The following FNDC10 variants were observed in gnomAD, a reference collection of about 807,000 sequenced individuals.
The protein encoded by FNDC10 is fibronectin type III domain-containing protein 10.
A neutral mutation model predicts 11.6 loss-of-function variants in FNDC10; 8 were observed. That is an observed-to-expected ratio of 0.69 (90% CI 0.41 to 1.25). The LOEUF (loss-of-function observed/expected upper bound fraction) is 1.25. Among genes scored for constraint, FNDC10 ranks in the 50% most tolerant of loss-of-function variants. The probability of loss-of-function intolerance (pLI) is 0.01; values close to 1 mark genes in which losing one functional copy is unlikely to be tolerated. For missense variants in FNDC10, 308 were observed against 330.2 expected (o/e 0.93, Z 0.52); for synonymous variants, 187 against 162.9 (o/e 1.15, Z -1.12).
chr1:1,599,325 G>A lies in FNDC10; in HGVS notation c.*10C>T. On this transcript the variant is annotated 3_prime_UTR_variant, in exon 1 of 1. Coordinates refer to ENST00000422725, the MANE Select transcript of FNDC10 (RefSeq NM_001242659.2). This position sits in a 1 kb window ranked among gnomAD's most constrained non-coding sequence, Gnocchi z 6.7. Reference sequence around the variant, plus strand: ...CAGGTGGCGCAAAGATGGGCGGGCGGCCTCGCGCTTCAGGGGTGTCTGCGC... The same window carrying A: ...CAGGTGGCGCAAAGATGGGCGGGCGACCTCGCGCTTCAGGGGTGTCTGCGC... The A allele has an allele frequency of 1.4e-6, 2 of 1,474,240 alleles. No individual in the cohort carries two copies. Among genetic ancestry groups the A allele is most frequent in the South Asian group, 2.6e-5 (2 of 77,588 alleles). The allele number at this position is 1,474,240 out of a possible 1,614,324, so 91.3% of individuals were successfully genotyped here.
rs1643084362 is a variant in FNDC10, at chr1:1,599,379, T to C, written c.637A>G (p.Met213Val). 4.6e-6 allele frequency: 7 copies of C among 1,528,928 alleles called. No homozygotes were observed. The highest frequency in any genetic ancestry group is 6.1e-6 in the Non-Finnish European group (7 of 1,144,872). 94.7% of individuals were successfully genotyped at this position (1,528,928 alleles called of 1,614,324 possible). A position where few individuals can be genotyped will look rare whatever the true frequency, so the allele number is the denominator to read the frequency against. ...LLVAYITENL[M>V]RPALARPGLR... ...CCGGGGCGCGCGAGGGCCGGGCGCA[T>C]GAGGTTCTCGGTGATGTAGGCCACC... is the stretch of plus-strand genomic sequence containing the variant. The change falls in exon 1 of 1, where the codon ATG becomes GTG. Residue 213 changes from methionine (M) to valine (V), a missense_variant. Met to Val is a conservative substitution (Grantham distance 21, BLOSUM62 1). Coordinates refer to ENST00000422725, the MANE Select transcript of FNDC10 (RefSeq NM_001242659.2). This position sits in a 1 kb window ranked among gnomAD's most constrained non-coding sequence, Gnocchi z 6.7.
At position 1,599,733 on chromosome 1, in the gene FNDC10, G is replaced by A; in HGVS notation, c.283C>T (p.Leu95=). ...ACGCGGCGCGCGGCGGCCGGGGCCA[G>A]GCGCCACTGCAGGAGGACGCTGCGG... ...RNRSVLLQWR[L]APAAARRVRA... is the part of the protein sequence containing the mutation. The change falls in exon 1 of 1, where the codon CTG becomes TTG. Residue 95 remains leucine, a synonymous_variant. Coordinates refer to ENST00000422725, the MANE Select transcript of FNDC10 (RefSeq NM_001242659.2). This position sits in a 1 kb window ranked among gnomAD's most constrained non-coding sequence, Gnocchi z 6.7. 4 of 1,323,352 alleles carry A rather than the reference G, an allele frequency of 3.0e-6. No homozygotes were observed. The highest frequency in any genetic ancestry group is 3.8e-6 in the Non-Finnish European group (4 of 1,044,302). The allele number at this position is 1,323,352 out of a possible 1,614,324, so 82.0% of individuals were successfully genotyped here.
Position 1,599,138 on chromosome 1 carries a change from G to T in FNDC10, c.*197C>A. Reference sequence around the variant, plus strand: ...GCGCAAGCCCAGGGGCCAATCCGGGGCCAGAGTCTGGGAGTCTGACGCCCG... The same window carrying T: ...GCGCAAGCCCAGGGGCCAATCCGGGTCCAGAGTCTGGGAGTCTGACGCCCG... On this transcript the variant is annotated 3_prime_UTR_variant, in exon 1 of 1. Coordinates refer to ENST00000422725, the MANE Select transcript of FNDC10 (RefSeq NM_001242659.2). This position sits in a 1 kb window ranked among gnomAD's most constrained non-coding sequence, Gnocchi z 6.7. 1.7e-6 allele frequency: 1 copy of T among 580,090 alleles called. No homozygotes were observed. Among genetic ancestry groups the T allele is most frequent in the Non-Finnish European group, 3.0e-6 (1 of 338,942 alleles). 35.9% of individuals were successfully genotyped at this position (580,090 alleles called of 1,614,324 possible).
Position 1,599,552 on chromosome 1 carries a change from G to T in FNDC10, c.464C>A (p.Ala155Asp), listed in dbSNP as rs1643086806. The T allele has an allele frequency of 6.6e-7, 1 of 1,506,848 alleles. No homozygotes were observed. Among genetic ancestry groups the T allele is most frequent in the Non-Finnish European group, 8.8e-7 (1 of 1,136,958 alleles). 93.3% of individuals were successfully genotyped at this position (1,506,848 alleles called of 1,614,324 possible). Reference protein sequence around the residue: ...RLCLQPLPLRAGPAAAAPETP... With the variant: ...RLCLQPLPLRDGPAAAAPETP... ...CTCTGGCGCGGCGGCGGCGGGCCCA[G>T]CGCGCAGCGGCAGCGGCTGCAGGCA... The change falls in exon 1 of 1, where the codon GCT becomes GAT. Residue 155 changes from alanine (A) to aspartate (D), a missense_variant. Physicochemically the swap from Ala to Asp is moderately radical, Grantham distance 126 (BLOSUM62 -2). Transcript: ENST00000422725. The surrounding 1 kb of genome is among the most constrained non-coding windows in gnomAD (Gnocchi z 6.7).
In FNDC10 at chr1:1,599,147, T is replaced by A. The variant is rs1643080644; in HGVS notation, c.*188A>T. ...CAGGGGCCAATCCGGGGCCAGAGTC[T>A]GGGAGTCTGACGCCCGGCTGGAAAG... On this transcript the variant is annotated 3_prime_UTR_variant, in exon 1 of 1. Transcript: ENST00000422725. The surrounding 1 kb of genome is among the most constrained non-coding windows in gnomAD (Gnocchi z 6.7). 2 of 594,558 alleles carry A rather than the reference T, an allele frequency of 3.4e-6. No individual in the cohort carries two copies. Among genetic ancestry groups the A allele is most frequent in the African/African-American group, 3.9e-5 (2 of 50,844 alleles). The allele number at this position is 594,558 out of a possible 1,614,324, so 36.8% of individuals were successfully genotyped here.
At position 1,598,960 on chromosome 1, in the gene FNDC10, G is replaced by A. The variant is rs1160272975; in HGVS notation, c.*375C>T. 1.5e-5 allele frequency: 4 copies of A among 259,132 alleles called. No homozygotes were observed. Among genetic ancestry groups the A allele is most frequent in the Middle Eastern group, 1.1e-3 (1 of 894 alleles). The allele number at this position is 259,132 out of a possible 1,614,324, so 16.1% of individuals were successfully genotyped here. On this transcript the variant is annotated 3_prime_UTR_variant, in exon 1 of 1. Transcript: ENST00000422725. ...CTGCAAAGCACAGTGACCGAGCAAT[G>A]GCGACGGTCTGTCTGGGACAATTCG...
rs772190089 is a variant in FNDC10 at position 1,599,333 on chromosome 1, C to T, written c.*2G>A. The T allele has an allele frequency of 1.0e-5, 15 of 1,503,404 alleles. No individual in the cohort carries two copies. Among genetic ancestry groups the T allele is most frequent in the South Asian group, 1.2e-5 (1 of 80,830 alleles). 93.1% of individuals were successfully genotyped at this position (1,503,404 alleles called of 1,614,324 possible). A position where few individuals can be genotyped will look rare whatever the true frequency, so the allele number is the denominator to read the frequency against. On this transcript the variant is annotated 3_prime_UTR_variant, in exon 1 of 1. Transcript: ENST00000422725. The surrounding 1 kb of genome is among the most constrained non-coding windows in gnomAD (Gnocchi z 6.7). ...GCAAAGATGGGCGGGCGGCCTCGCG[C>T]TTCAGGGGTGTCTGCGCAGGCCGGG...
At position 1,599,258 on chromosome 1, in the gene FNDC10, A is replaced by G; in HGVS notation, c.*77T>C. 1.5e-6 allele frequency: 2 copies of G among 1,320,166 alleles called. No individual in the cohort carries two copies. The highest frequency in any genetic ancestry group is 1.0e-6 in the Non-Finnish European group (1 of 1,000,858). 81.8% of individuals were successfully genotyped at this position (1,320,166 alleles called of 1,614,324 possible). Reference sequence around the variant, plus strand: ...TTAAGGAGGCAGCAGGAATGAGGAGAGGAGAGCGGGCGGAGGACCTGGGAG... The same window carrying G: ...TTAAGGAGGCAGCAGGAATGAGGAGGGGAGAGCGGGCGGAGGACCTGGGAG... On this transcript the variant is annotated 3_prime_UTR_variant, in exon 1 of 1. Coordinates refer to ENST00000422725, the MANE Select transcript of FNDC10 (RefSeq NM_001242659.2). This position sits in a 1 kb window ranked among gnomAD's most constrained non-coding sequence, Gnocchi z 6.7.
chr1:1,599,251 TGAG>T lies in FNDC10; in HGVS notation c.*81_*83del. On this transcript the variant is annotated 3_prime_UTR_variant, in exon 1 of 1. Coordinates refer to ENST00000422725, the MANE Select transcript of FNDC10 (RefSeq NM_001242659.2). The surrounding 1 kb of genome is among the most constrained non-coding windows in gnomAD (Gnocchi z 6.7). Reference sequence around the variant, plus strand: ...GGGGATCTTAAGGAGGCAGCAGGAATGAGGAGAGGAGAGCGGGCGGAGGACCTG... The same window carrying T: ...GGGGATCTTAAGGAGGCAGCAGGAATGAGAGGAGAGCGGGCGGAGGACCTG... The T allele has an allele frequency of 1.6e-6, 2 of 1,272,012 alleles. No homozygotes were observed. Among genetic ancestry groups the T allele is most frequent in the Non-Finnish European group, 2.1e-6 (2 of 961,216 alleles). 78.8% of individuals were successfully genotyped at this position (1,272,012 alleles called of 1,614,324 possible).
rs1643081175 is a variant in FNDC10, at chr1:1,599,196, C to A, written c.*139G>T. On this transcript the variant is annotated 3_prime_UTR_variant, in exon 1 of 1. Coordinates refer to ENST00000422725, the MANE Select transcript of FNDC10 (RefSeq NM_001242659.2). The surrounding 1 kb of genome is among the most constrained non-coding windows in gnomAD (Gnocchi z 6.7). ...AGGGCGTGTGATGATGCCAAAGTGC[C>A]GGAGCCGTCGCCGGCAGGTCCTCCT... 1.2e-6 allele frequency: 1 copy of A among 815,104 alleles called. No homozygotes were observed. 50.5% of individuals were successfully genotyped at this position (815,104 alleles called of 1,614,324 possible). A position where few individuals can be genotyped will look rare whatever the true frequency, so the allele number is the denominator to read the frequency against.
rs1643092719 is a variant in FNDC10 at position 1,599,865 on chromosome 1, C to G, written c.151G>C (p.Gly51Arg). 9.6e-7 allele frequency: 1 copy of G among 1,038,548 alleles called. No individual in the cohort carries two copies. The highest frequency in any genetic ancestry group is 1.2e-6 in the Non-Finnish European group (1 of 867,070). 64.3% of individuals were successfully genotyped at this position (1,038,548 alleles called of 1,614,324 possible). A position where few individuals can be genotyped will look rare whatever the true frequency, so the allele number is the denominator to read the frequency against. ...GCGGGGCTGCGGAAGCACAGGCGCC[C>G]GCCGCCCGCCTCGGGGCCCTCGGGC... ...VLPEGPEAGG[G>R]RLCFRSPARG... The change falls in exon 1 of 1, where the codon GGG (glycine) becomes CGG (arginine). Residue 51 changes from glycine to arginine, a missense_variant. Gly to Arg is a moderately radical substitution (Grantham distance 125). Transcript: ENST00000422725. This position sits in a 1 kb window ranked among gnomAD's most constrained non-coding sequence, Gnocchi z 6.7.
Position 1,598,821 on chromosome 1 carries a change from G to C in FNDC10, c.*514C>G, listed in dbSNP as rs1489732488. On this transcript the variant is annotated 3_prime_UTR_variant, in exon 1 of 1. Coordinates refer to ENST00000422725, the MANE Select transcript of FNDC10 (RefSeq NM_001242659.2). ...ATCTTAGGGCCACAGACCCCCCCTG[G>C]ACAGCAGAGGGTGTTGGCTCCTGCA... 1 of 156,558 alleles carries C rather than the reference G, an allele frequency of 6.4e-6. No individual in the cohort carries two copies. The highest frequency in any genetic ancestry group is 2.4e-5 in the African/African-American group (1 of 41,550). 9.7% of individuals were successfully genotyped at this position (156,558 alleles called of 1,614,324 possible). A position where few individuals can be genotyped will look rare whatever the true frequency, so the allele number is the denominator to read the frequency against.
In FNDC10 at chr1:1,600,108, C is replaced by T; in HGVS notation, c.-93G>A. The T allele has an allele frequency of 1.8e-6, 1 of 554,374 alleles. No homozygotes were observed. Among genetic ancestry groups the T allele is most frequent in the Non-Finnish European group, 2.3e-6 (1 of 439,518 alleles). 34.3% of individuals were successfully genotyped at this position (554,374 alleles called of 1,614,324 possible). A position where few individuals can be genotyped will look rare whatever the true frequency, so the allele number is the denominator to read the frequency against. On this transcript the variant is annotated 5_prime_UTR_variant, in exon 1 of 1. Coordinates refer to ENST00000422725, the MANE Select transcript of FNDC10 (RefSeq NM_001242659.2). Reference sequence around the variant, plus strand: ...GCTCCCCGCGATCCCCGGCGCGCCGCGCCCTCCGCCGCCGCCCGCTCCGAC... The same window carrying T: ...GCTCCCCGCGATCCCCGGCGCGCCGTGCCCTCCGCCGCCGCCCGCTCCGAC...
chr1:1,598,651 C>T lies in FNDC10; in HGVS notation c.*684G>A, dbSNP rs977954107. On this transcript the variant is annotated 3_prime_UTR_variant, in exon 1 of 1. Coordinates refer to ENST00000422725, the MANE Select transcript of FNDC10 (RefSeq NM_001242659.2). ...GGTCTGAGAACACTCACCCTGGCCG[C>T]TGGGCCAGGCCTGCCAGGCTCCCGG... 8 of 152,382 alleles carry T rather than the reference C, an allele frequency of 5.2e-5. No individual in the cohort carries two copies. Among genetic ancestry groups the T allele is most frequent in the African/African-American group, 1.9e-4 (8 of 41,458 alleles). The allele number at this position is 152,382 out of a possible 1,614,324, so 9.4% of individuals were successfully genotyped here.
Position 1,599,296 on chromosome 1 carries a change from C to T in FNDC10, c.*39G>A, listed in dbSNP as rs1643082586. 6.9e-7 allele frequency: 1 copy of T among 1,451,128 alleles called. No individual in the cohort carries two copies. Among genetic ancestry groups the T allele is most frequent in the African/African-American group, 1.5e-5 (1 of 67,512 alleles). 89.9% of individuals were successfully genotyped at this position (1,451,128 alleles called of 1,614,324 possible). On this transcript the variant is annotated 3_prime_UTR_variant, in exon 1 of 1. Coordinates refer to ENST00000422725, the MANE Select transcript of FNDC10 (RefSeq NM_001242659.2). This position sits in a 1 kb window ranked among gnomAD's most constrained non-coding sequence, Gnocchi z 6.7. The stretch of plus-strand genomic sequence containing the variant: ...GAGGACCTGGGAGCTCAGGCGCCCT[C>T]AGGCAGGTGGCGCAAAGATGGGCGG...
chr1:1,599,278 T>C lies in FNDC10; in HGVS notation c.*57A>G. The C allele has an allele frequency of 1.4e-6, 2 of 1,416,288 alleles. No homozygotes were observed. The highest frequency in any genetic ancestry group is 1.8e-6 in the Non-Finnish European group (2 of 1,081,636). 87.7% of individuals were successfully genotyped at this position (1,416,288 alleles called of 1,614,324 possible). ...AGGAGAGGAGAGCGGGCGGAGGACC[T>C]GGGAGCTCAGGCGCCCTCAGGCAGG... On this transcript the variant is annotated 3_prime_UTR_variant, in exon 1 of 1. Transcript: ENST00000422725. The surrounding 1 kb of genome is among the most constrained non-coding windows in gnomAD (Gnocchi z 6.7).
Position 1,599,340 on chromosome 1 carries a change from G to T in FNDC10, c.676C>A (p.Pro226Thr), listed in dbSNP as rs1446570947. The change falls in exon 1 of 1, where the codon CCC becomes ACC. Residue 226 changes from proline (P) to threonine (T), a missense_variant. By Grantham distance (38) the Pro-to-Thr change is conservative. Transcript: ENST00000422725. The surrounding 1 kb of genome is among the most constrained non-coding windows in gnomAD (Gnocchi z 6.7). ...ALARPGLRRH[P>T] is the part of the protein sequence containing the mutation. ...TGGGCGGGCGGCCTCGCGCTTCAGG[G>T]GTGTCTGCGCAGGCCGGGGCGCGCG... The T allele has an allele frequency of 1.3e-6, 2 of 1,510,376 alleles. No individual in the cohort carries two copies. Among genetic ancestry groups the T allele is most frequent in the Non-Finnish European group, 1.8e-6 (2 of 1,136,924 alleles). The allele number at this position is 1,510,376 out of a possible 1,614,324, so 93.6% of individuals were successfully genotyped here.
Position 1,599,886 on chromosome 1 carries a change from C to CGGGCAGCACCTTGTAG in FNDC10, c.114_129dup (p.Glu44LeufsTer206). The CGGGCAGCACCTTGTAG allele has an allele frequency of 3.9e-6, 4 of 1,017,702 alleles. No homozygotes were observed. The highest frequency in any genetic ancestry group is 4.7e-6 in the Non-Finnish European group (4 of 853,290). The allele number at this position is 1,017,702 out of a possible 1,614,324, so 63.0% of individuals were successfully genotyped here. The stretch of plus-strand genomic sequence containing the variant: ...CGCCCGCCGCCCGCCTCGGGGCCCT[C>CGGGCAGCACCTTGTAG]GGGCAGCACCTTGTAGGGGCACCAG... On this transcript the variant is annotated frameshift_variant, in exon 1 of 1. Transcript: ENST00000422725. LOFTEE classifies it high-confidence loss of function. The surrounding 1 kb of genome is among the most constrained non-coding windows in gnomAD (Gnocchi z 6.7).
Position 1,599,374 on chromosome 1 carries a change from G to C in FNDC10, c.642C>G (p.Arg214=). 6.5e-7 allele frequency: 1 copy of C among 1,529,582 alleles called. No homozygotes were observed. Among genetic ancestry groups the C allele is most frequent in the East Asian group, 2.5e-5 (1 of 40,504 alleles). The allele number at this position is 1,529,582 out of a possible 1,614,324, so 94.8% of individuals were successfully genotyped here. Residue 214 remains arginine, a synonymous_variant, in exon 1 of 1, where the codon CGC becomes CGG. Coordinates refer to ENST00000422725, the MANE Select transcript of FNDC10 (RefSeq NM_001242659.2). This position sits in a 1 kb window ranked among gnomAD's most constrained non-coding sequence, Gnocchi z 6.7. The part of the protein sequence containing the change: ...LVAYITENLM[R]PALARPGLRR... ...GCAGGCCGGGGCGCGCGAGGGCCGG[G>C]CGCATGAGGTTCTCGGTGATGTAGG...
Sources: gnomAD v4.1 joint callset for allele counts on GRCh38, gnomAD v4.1.1 for gene constraint, Gnocchi (gnomAD v3.1) non-coding constraint, MANE v1.5 for transcripts, NCBI Gene and HGNC (gene_info 2026-07-23, HGNC 2026-07-21) for gene names.